RIF1: variants seen among roughly 807,000 people sequenced by gnomAD.
RIF1 encodes the protein telomere-associated protein RIF1.
RIF1 carries 45 observed loss-of-function variants against 247.1 expected under a neutral mutation model. The observed-to-expected ratio is 0.18, with a 90% CI of 0.14 to 0.23. The LOEUF (loss-of-function observed/expected upper bound fraction) is 0.23. Among genes scored for constraint, RIF1 ranks in the 10% least tolerant of loss-of-function variants. The probability of loss-of-function intolerance (pLI) is 1.00; values close to 1 mark genes in which losing one functional copy is unlikely to be tolerated. For missense variants in RIF1, 2,967 were observed against 2,862.5 expected (o/e 1.04, Z -0.83); for synonymous variants, 1,087 against 978.8 (o/e 1.11, Z -2.06).
intron 6 of RIF1, among the ~76,000 whole-genome samples, chr2:151,418,473 A>G (rs1240997843): frequency 1.3e-5 from 2 of 151,974 alleles, no homozygotes; most frequent in African/African-American, 4.8e-5. Flanking sequence ...CCAATGTACC[A>G]GGATCACAGG....
intron 10 of RIF1, among the ~76,000 whole-genome samples, chr2:151,495,951 A>G: frequency 6.6e-6 from 1 of 152,152 alleles, no homozygotes; most frequent in East Asian, 1.9e-4. Flanking sequence ...ACCACCCCAC[A>G]CGTACCCGTC....
Position 151,462,401 on chromosome 2 carries a change from A to G in RIF1, c.3309-11A>G, listed in dbSNP as rs750532266. 1.3e-6 allele frequency: 2 copies of G among 1,506,912 alleles called. No homozygotes were observed. The highest frequency in any genetic ancestry group is 9.0e-7 in the Non-Finnish European group (1 of 1,108,872). The allele number at this position is 1,506,912 out of a possible 1,614,324, so 93.3% of individuals were successfully genotyped here. On this transcript the variant is annotated splice_polypyrimidine_tract_variant and intron_variant, in intron 28 of 35. Transcript: ENST00000444746. ...TTATAAAAATAATATTCTTACTAATATTTATTTCAGGGAAATTCCTACTTT... is the reference window on the plus strand; with the variant it reads ...TTATAAAAATAATATTCTTACTAATGTTTATTTCAGGGAAATTCCTACTTT...
chr2:151,486,162 A>C, downstream of RIF1: 1 of 462,982 alleles, frequency 2.2e-6, no homozygotes, highest in Non-Finnish European at 3.9e-6. Flanking sequence ...CTACAACTCA[A>C]TGCCTTCCCC....
chr2:151,513,829 C>T, the RIF1 span: 7 of 665,112 alleles, frequency 1.1e-5, no homozygotes, highest in Non-Finnish European at 1.8e-5. Flanking sequence ...TCTTCACCTT[C>T]GCTCTTCCGT....
the RIF1 span, among the ~76,000 whole-genome samples, chr2:151,519,270 C>T: frequency 2.7e-4 from 41 of 152,178 alleles, no homozygotes; most frequent in African/African-American, 9.2e-4. Flanking sequence ...GTGGCATATA[C>T]ATACAATGGA....
At chr2:151,497,079 T>C in intron 10 of RIF1, 4 of 1,539,618 alleles carry the variant, frequency 2.6e-6, no homozygotes, top group Non-Finnish European at 3.5e-6. Flanking sequence ...GAGTAACATT[T>C]CATTTGTTGA....
At chr2:151,499,671 G>A (rs1406893667) in intron 11 of RIF1, 4 of 288,086 alleles carry the variant, frequency 1.4e-5, no homozygotes, top group Non-Finnish European at 2.6e-5. Context: ...AATTTCCTAA[G>A]ACCACTAAAA....
intron 4 of RIF1, among the ~76,000 whole-genome samples, chr2:151,416,058 A>C (rs562064770): frequency 6.6e-6 from 1 of 152,380 alleles, no homozygotes; most frequent in South Asian, 2.1e-4. Flanking sequence ...GTTTTCAAGT[A>C]GTCTGCACTG....
chr2:151,470,075 G>C (rs1345889286), intron 34 of RIF1, among the ~76,000 whole-genome samples: 2 of 151,762 alleles, frequency 1.3e-5, no homozygotes, highest in African/African-American at 4.8e-5. Flanking sequence ...TCCACCATTC[G>C]GTATTTGATT....
the RIF1 span, chr2:151,518,338 C>G: frequency 6.2e-7 from 1 of 1,607,788 alleles, no homozygotes; most frequent in Non-Finnish European, 8.5e-7. Flanking sequence ...AATTCTGTGG[C>G]CTCTTTTAGG....
rs1685914028 is a variant in RIF1 at position 151,410,289 on chromosome 2, G to A, written c.-10-125G>A. On this transcript the variant is annotated intron_variant, in intron 1 of 35. Coordinates refer to ENST00000444746, the MANE Select transcript of RIF1 (RefSeq NM_018151.5). ...GTTTGGTGATTCGGAGGCCTGGGGT[G>A]CAGACGCGGCGTGGCTGTGAGGCCC... 9.7e-6 allele frequency: 7 copies of A among 719,206 alleles called. No individual in the cohort carries two copies. The Admixed American group carries it at 1.1e-4, about 12-fold the overall frequency. 44.6% of individuals were successfully genotyped at this position (719,206 alleles called of 1,614,324 possible). A position where few individuals can be genotyped will look rare whatever the true frequency, so the allele number is the denominator to read the frequency against.
At chr2:151,505,676 G>T in intron 12 of RIF1, 1 of 924,886 alleles carries the variant, frequency 1.1e-6, no homozygotes, top group Non-Finnish European at 1.8e-6. Flanking sequence ...AAAATTAACA[G>T]TGTAAATAAC....
chr2:151,433,006 T>C, intron 9 of RIF1, 71 bp from the exon 10 acceptor site: 1 of 1,168,168 alleles, frequency 8.6e-7, no homozygotes, highest in Non-Finnish European at 1.2e-6. Context: ...TAAAAGACTG[T>C]TGCATAGCTA....
At chr2:151,520,167 G>T in the RIF1 span, among the ~76,000 whole-genome samples, 4,334 of 152,174 alleles carry the variant, frequency 0.028, 96 homozygotes, top group Non-Finnish European at 0.044. Context: ...GAAATCCAAA[G>T]AAGGGCTGTA....
chr2:151,420,184 T>C lies in RIF1; in HGVS notation c.504-6T>C. The C allele has an allele frequency of 6.2e-7, 1 of 1,611,890 alleles. No individual in the cohort carries two copies. The highest frequency in any genetic ancestry group is 8.5e-7 in the Non-Finnish European group (1 of 1,178,320). On this transcript the variant is annotated splice_polypyrimidine_tract_variant and splice_region_variant and intron_variant, in intron 6 of 35. Coordinates refer to ENST00000444746, the MANE Select transcript of RIF1 (RefSeq NM_018151.5). ...CGCTAATTATTCATTGATTTCTCTA[T>C]TATAGGCTAATTGAACAAGCCCCAA... is the stretch of plus-strand genomic sequence containing the variant.
At chr2:151,524,695 C>T in the RIF1 span, 249 of 1,067,564 alleles carry the variant, frequency 2.3e-4, 3 homozygotes, top group South Asian at 3.4e-3. Context: ...GAGATGGAAT[C>T]TCACTCTGTT....
In RIF1 at chr2:151,462,968, C is replaced by A; in HGVS notation, c.3448C>A (p.Leu1150Ile). 6.2e-7 allele frequency: 1 copy of A among 1,614,022 alleles called. No individual in the cohort carries two copies. Among genetic ancestry groups the A allele is most frequent in the Non-Finnish European group, 8.5e-7 (1 of 1,179,932 alleles). Reference protein sequence around the residue: ...GMAEHLEKSSLSNNECGSLDK... With the variant: ...GMAEHLEKSSISNNECGSLDK... Reference sequence around the variant, plus strand: ...GGCTGAACATCTTGAAAAGTCCTCCCTTTCGAATAATGAGTGTGGTTCTCT... The same window carrying A: ...GGCTGAACATCTTGAAAAGTCCTCCATTTCGAATAATGAGTGTGGTTCTCT... Residue 1150 changes from leucine to isoleucine, a missense_variant, in exon 30 of 36, where the codon CTT becomes ATT. Transcript: ENST00000444746.
intron 14 of RIF1, among the ~76,000 whole-genome samples, chr2:151,439,152 A>G (rs1348224751): frequency 2.0e-5 from 3 of 152,192 alleles, no homozygotes; most frequent in Non-Finnish European, 4.4e-5. Context: ...ATTAAGTGGA[A>G]ACGGGTTATA....
intron 9 of RIF1, 117 bp from the exon 10 acceptor site, chr2:151,432,960 T>A: frequency 1.3e-6 from 1 of 779,974 alleles, no homozygotes; most frequent in Non-Finnish European, 1.9e-6. Flanking sequence ...GATTTATTTT[T>A]TTAAAAAAAT....
Sources: allele counts gnomAD v4.1 joint callset (sites outside exome capture counted in the v4.1 genomes callset), GRCh38; gene constraint gnomAD v4.1.1; transcripts MANE v1.5; gene names NCBI Gene and HGNC (gene_info 2026-07-23, HGNC 2026-07-21).